Variants in RGS7 observed in about 807,000 individuals in gnomAD.
The protein encoded by RGS7 is regulator of G protein signaling 7.
In RGS7, 27 loss-of-function variants were observed where a neutral mutation model predicts 81.1. The observed-to-expected ratio is 0.33, with a 90% CI of 0.25 to 0.46. RGS7 has a LOEUF of 0.46. Ranked by LOEUF, RGS7 falls within the 20% of genes least tolerant of loss-of-function variation. The pLI is 1.00. For missense variants in RGS7, 396 were observed against 607.4 expected, an observed-to-expected ratio of 0.65 and a Z score of 3.66; for synonymous variants, 208 against 207.7, an observed-to-expected ratio of 1.00 and a Z score of -0.01.
At chr1:240,889,314 C>T (rs1667896856) in intron 6 of RGS7, among the ~76,000 whole-genome samples, 1 of 152,124 alleles carries the variant, frequency 6.6e-6, no homozygotes, top group South Asian at 2.1e-4. Context: ...CCAGGAATAT[C>T]TAGAGGCAGA....
At chr1:241,120,084 A>G (rs2066145066) in intron 2 of RGS7, among the ~76,000 whole-genome samples, 1 of 152,168 alleles carries the variant, frequency 6.6e-6, no homozygotes, top group Admixed American at 6.6e-5. Context: ...TTTAGGATAA[A>G]GCTCAAAGTA....
At chr1:240,903,405 T>TA (rs1670322401) in intron 6 of RGS7, among the ~76,000 whole-genome samples, 1 of 152,156 alleles carries the variant, frequency 6.6e-6, no homozygotes, top group Admixed American at 6.5e-5. Flanking sequence ...CATATGTAAT[T>TA]AATGGCTTCC....
chr1:241,178,727 T>C (rs996244264), intron 2 of RGS7, among the ~76,000 whole-genome samples: 1 of 152,224 alleles, frequency 6.6e-6, no homozygotes, highest in Non-Finnish European at 1.5e-5. Flanking sequence ...TGTTTTGATA[T>C]TGTTTCCAAA....
At chr1:241,306,365 C>CCCCACACTCG (rs2080133664) in intron 2 of RGS7, among the ~76,000 whole-genome samples, 1 of 150,282 alleles carries the variant, frequency 6.7e-6, no homozygotes, top group Non-Finnish European at 1.5e-5. Flanking sequence ...ACACACATGT[C>CCCCACACTCG]CACACACACG....
At chr1:240,998,734 C>A (rs1687682937) in intron 3 of RGS7, 1 of 886,596 alleles carries the variant, frequency 1.1e-6, no homozygotes, top group Non-Finnish European at 1.9e-6. Flanking sequence ...GTGACGGTCA[C>A]CTCATCATCG....
rs1255053127 is a variant in RGS7 at position 240,884,054 on chromosome 1, C to A, written c.386-13935G>T. Among the ~76,000 whole-genome samples the A allele has an allele frequency of 2.6e-5, 3 of 115,024 alleles. No homozygotes were observed. The Admixed American group carries it at 3.9e-4, about 15-fold the overall frequency. The allele number at this position is 115,024 out of a possible 152,430, so 75.5% of individuals were successfully genotyped here. On this transcript the variant is annotated intron_variant, in intron 6 of 18. Coordinates refer to ENST00000440928, the MANE Select transcript of RGS7 (RefSeq NM_001364886.1). ...TCACGCCATTGCACTCCAGCCTGGG[C>A]GACAAGAGCAAAAACTCCATCTCAA... is the stretch of plus-strand genomic sequence containing the variant.
chr1:240,944,823 C>G (rs184605239), intron 4 of RGS7, among the ~76,000 whole-genome samples: 5 of 152,234 alleles, frequency 3.3e-5, no homozygotes, highest in Non-Finnish European at 7.3e-5. Context: ...AAGCGATTCT[C>G]CTGCCTCCGC....
At chr1:241,311,189 C>A (rs2080505518) in intron 2 of RGS7, among the ~76,000 whole-genome samples, 1 of 152,136 alleles carries the variant, frequency 6.6e-6, no homozygotes, top group South Asian at 2.1e-4. Context: ...TTTGAAAACA[C>A]AATTTGTTTT....
chr1:241,020,544 T>G (rs980676509), intron 3 of RGS7, among the ~76,000 whole-genome samples: 4 of 152,198 alleles, frequency 2.6e-5, no homozygotes, highest in African/African-American at 9.7e-5. Context: ...GATCCTTAAC[T>G]TAATTCCATC....
intron 2 of RGS7, among the ~76,000 whole-genome samples, chr1:241,135,290 A>G (rs1441314606): frequency 2.6e-5 from 4 of 152,018 alleles, no homozygotes; most frequent in African/African-American, 9.7e-5. Context: ...AGCCGGATGT[A>G]GTGGCGGGCA....
chr1:241,166,474 AAGTTTATGATTTC>A (rs2070256555), intron 2 of RGS7, among the ~76,000 whole-genome samples: 1 of 152,194 alleles, frequency 6.6e-6, no homozygotes, highest in Non-Finnish European at 1.5e-5. Flanking sequence ...GAATGGGGAA[AAGTTTATGATTTC>A]AGAAGGGAGG....
intron 3 of RGS7, among the ~76,000 whole-genome samples, chr1:241,056,679 C>G (rs1007565002): frequency 6.6e-6 from 1 of 152,198 alleles, no homozygotes; most frequent in Non-Finnish European, 1.5e-5. Flanking sequence ...GTATTCAAAA[C>G]TCCTCCCTTT....
chr1:241,018,276 C>T (rs766216462), intron 3 of RGS7, among the ~76,000 whole-genome samples: 10 of 151,880 alleles, frequency 6.6e-5, no homozygotes, highest in Non-Finnish European at 1.2e-4. Flanking sequence ...AGCCACCATA[C>T]CCTGCCTCGC....
intron 10 of RGS7, among the ~76,000 whole-genome samples, chr1:240,820,780 A>G (rs1209286704): frequency 1.3e-5 from 2 of 152,178 alleles, no homozygotes; most frequent in African/African-American, 4.8e-5. Flanking sequence ...AATTGTGAGC[A>G]ATACATTTCT....
chr1:241,204,551 G>C (rs1352944667), intron 2 of RGS7, among the ~76,000 whole-genome samples: 1 of 152,152 alleles, frequency 6.6e-6, no homozygotes, highest in Non-Finnish European at 1.5e-5. Context: ...GGTAATAATT[G>C]TGATATCTGC....
At chr1:241,083,022 C>T (rs979264715) in intron 3 of RGS7, among the ~76,000 whole-genome samples, 3 of 151,964 alleles carry the variant, frequency 2.0e-5, no homozygotes, top group Admixed American at 2.0e-4. Flanking sequence ...GTCAGGAGTT[C>T]AAGACCAGCC....
chr1:241,144,926 G>GGTGTGTGTGTGTGTGTGTGT lies in RGS7; in HGVS notation c.79-46184_79-46165dup, dbSNP rs58610723. On this transcript the variant is annotated intron_variant, in intron 2 of 18. Transcript: ENST00000440928. The surrounding 1 kb of genome is among the most constrained non-coding windows in gnomAD (Gnocchi z 4.7). ...TCAGTATGTGTTGGCAGGGCAGGAT[G>GGTGTGTGTGTGTGTGTGTGT]GTGTGTGTGTGTGTGTGTGTGTGTG... Among the ~76,000 whole-genome samples the GGTGTGTGTGTGTGTGTGTGT allele has an allele frequency of 2.7e-3, 384 of 141,948 alleles. 5 individuals carry two copies. Among genetic ancestry groups the GGTGTGTGTGTGTGTGTGTGT allele is most frequent in the African/African-American group, 9.7e-3 (364 of 37,398 alleles). The allele number at this position is 141,948 out of a possible 152,430, so 93.1% of individuals were successfully genotyped here. A position where few individuals can be genotyped will look rare whatever the true frequency, so the allele number is the denominator to read the frequency against.
intron 2 of RGS7, among the ~76,000 whole-genome samples, chr1:241,148,235 A>G (rs1435425898): frequency 2.0e-5 from 3 of 151,804 alleles, no homozygotes; most frequent in African/African-American, 7.3e-5. Context: ...AATTTTAGAA[A>G]AGACAAAATT....
Position 241,003,746 on chromosome 1 carries a change from ATTAT to A in RGS7, c.176-20621_176-20618del, listed in dbSNP as rs939062763. On this transcript the variant is annotated intron_variant, in intron 3 of 18. Coordinates refer to ENST00000440928, the MANE Select transcript of RGS7 (RefSeq NM_001364886.1). ...AGCACTACTGGGATCCACTCACCAG[ATTAT>A]TTATTTATTTATTTTTTGAGATGGA... 1.3e-3 allele frequency among the ~76,000 whole-genome samples: 197 copies of A among 151,996 alleles called. 1 individual carries two copies. Among genetic ancestry groups the A allele is most frequent in the African/African-American group, 4.5e-3 (187 of 41,486 alleles).
Sources: allele counts gnomAD v4.1 joint callset (sites outside exome capture counted in the v4.1 genomes callset), GRCh38; gene constraint gnomAD v4.1.1; non-coding constraint Gnocchi (gnomAD v3.1); transcripts MANE v1.5; gene names NCBI Gene and HGNC (gene_info 2026-07-23, HGNC 2026-07-21).